GPM6A: variants seen among roughly 807,000 people sequenced by gnomAD.
The protein encoded by GPM6A is glycoprotein M6A, also known as neuronal membrane glycoprotein M6-a.
GPM6A carries 7 observed loss-of-function variants against 32.1 expected under a neutral mutation model. The ratio of observed to expected loss-of-function variants is 0.22; its 90% confidence interval spans 0.12 to 0.41. GPM6A has a LOEUF of 0.41. Ranked by LOEUF, GPM6A falls within the 10% of genes least tolerant of loss-of-function variation. The pLI is 1.00. For missense variants in GPM6A, 235 were observed against 347.2 expected, an observed-to-expected ratio of 0.68 and a Z score of 2.57; for synonymous variants, 130 against 123.4, an observed-to-expected ratio of 1.05 and a Z score of -0.35.
intron 4 of GPM6A, among the ~76,000 whole-genome samples, chr4:175,644,121 G>GTTTTTTTTTTTTTTTTTTTTTTTTT (rs781755092): frequency 2.7e-5 from 3 of 110,380 alleles, no homozygotes; most frequent in Admixed American, 1.0e-4. Flanking sequence ...TTTTCCGTTT[G>GTTTTTTTTTTTTTTTTTTTTTTTTT]TTTTTTTTTT....
intron 1 of GPM6A, among the ~76,000 whole-genome samples, chr4:175,801,424 T>C (rs1734467445): frequency 6.6e-6 from 1 of 152,060 alleles, no homozygotes; most frequent in Non-Finnish European, 1.5e-5. Context: ...ATTGGTAATT[T>C]GACGTGGTTC....
chr4:175,973,801 C>T (rs1435103417), intron 1 of GPM6A, among the ~76,000 whole-genome samples: 3 of 152,310 alleles, frequency 2.0e-5, no homozygotes, highest in Admixed American at 1.3e-4. Flanking sequence ...CTCTGGTACA[C>T]ATCTGCGCCA....
intron 1 of GPM6A, among the ~76,000 whole-genome samples, chr4:175,719,857 T>C (rs1746024123): frequency 6.6e-6 from 1 of 152,184 alleles, no homozygotes; most frequent in South Asian, 2.1e-4. Flanking sequence ...TCCCTCTCTT[T>C]CATTAAAGCA....
intron 1 of GPM6A, among the ~76,000 whole-genome samples, chr4:175,751,403 T>C (rs1732330887): frequency 6.6e-6 from 1 of 152,194 alleles, no homozygotes; most frequent in Non-Finnish European, 1.5e-5. Context: ...AAGGATACTG[T>C]AGGAAAAATA....
intron 1 of GPM6A, among the ~76,000 whole-genome samples, chr4:175,981,116 T>C (rs1486143004): frequency 6.6e-6 from 1 of 152,166 alleles, no homozygotes; most frequent in East Asian, 1.9e-4. Flanking sequence ...TTATTGTTAA[T>C]CTTTTAAAAA....
intron 1 of GPM6A, among the ~76,000 whole-genome samples, chr4:175,785,571 CA>C (rs544864275): frequency 1.8e-3 from 279 of 152,258 alleles, no homozygotes; most frequent in Middle Eastern, 6.8e-3. Flanking sequence ...AACAGTTACC[CA>C]AACTGATTAT....
chr4:175,830,701 A>G (rs773388575), intron 1 of GPM6A, among the ~76,000 whole-genome samples: 1 of 152,204 alleles, frequency 6.6e-6, no homozygotes, highest in Non-Finnish European at 1.5e-5. Flanking sequence ...GTATAAATAA[A>G]ATAGAAGGTT....
chr4:175,816,439 G>A (rs1043053407), upstream of GPM6A, among the ~76,000 whole-genome samples: 5 of 152,020 alleles, frequency 3.3e-5, no homozygotes, highest in African/African-American at 1.2e-4. Flanking sequence ...TATACAATAA[G>A]TAAATATCGA....
intron 1 of GPM6A, among the ~76,000 whole-genome samples, chr4:175,709,805 C>T (rs1745432387): frequency 6.6e-6 from 1 of 151,980 alleles, no homozygotes; most frequent in African/African-American, 2.4e-5. Flanking sequence ...TATTTCCTTC[C>T]CAGCTTCATA....
chr4:176,001,746 G>A (rs1188211549), intron 1 of GPM6A, among the ~76,000 whole-genome samples: 4 of 152,168 alleles, frequency 2.6e-5, no homozygotes, highest in African/African-American at 9.7e-5. Context: ...TGGGCACTTC[G>A]TTTGGAAAGG....
chr4:175,656,171 CA>C (rs201926181), intron 3 of GPM6A, among the ~76,000 whole-genome samples: 1 of 150,806 alleles, frequency 6.6e-6, no homozygotes, highest in Non-Finnish European at 1.5e-5. Flanking sequence ...TCTTGACCCA[CA>C]AAAAAAAATT....
intron 1 of GPM6A, among the ~76,000 whole-genome samples, chr4:175,883,849 T>G (rs530389518): frequency 6.6e-6 from 1 of 152,178 alleles, no homozygotes; most frequent in South Asian, 2.1e-4. Context: ...CAATTCTAAA[T>G]TTACCAATTC....
chr4:175,889,808 G>A (rs113641155), intron 1 of GPM6A, among the ~76,000 whole-genome samples: 6 of 151,648 alleles, frequency 4.0e-5, no homozygotes, highest in African/African-American at 1.2e-4. Context: ...GCGAGACTCC[G>A]TCTCAAACAA....
rs954096102 is a variant in GPM6A, at chr4:175,711,297, C to T, written c.38-9530G>A. Among the ~76,000 whole-genome samples, 6 of 150,116 alleles carry T rather than the reference C, an allele frequency of 4.0e-5. No individual in the cohort carries two copies. The East Asian group carries it at 7.8e-4, about 20-fold the overall frequency. On this transcript the variant is annotated intron_variant, in intron 1 of 6. Transcript: ENST00000393658. ...ACAACCACTAGGTATTTGAGGAATG[C>T]CTCCAACTTGGAAGACAGAAACAGA...
At chr4:175,646,180 G>A (rs1741452680) in intron 4 of GPM6A, among the ~76,000 whole-genome samples, 2 of 152,106 alleles carry the variant, frequency 1.3e-5, no homozygotes, top group South Asian at 2.1e-4. Context: ...CCCTTGACAT[G>A]TCACCTAACA....
At chr4:175,935,880 T>G (rs941437213) in intron 1 of GPM6A, among the ~76,000 whole-genome samples, 2 of 152,234 alleles carry the variant, frequency 1.3e-5, no homozygotes, top group South Asian at 2.1e-4. Context: ...GGGATATTGA[T>G]TTAATAAAAT....
At chr4:175,958,775 T>C (rs770734127) in intron 1 of GPM6A, among the ~76,000 whole-genome samples, 2 of 152,242 alleles carry the variant, frequency 1.3e-5, no homozygotes, top group Non-Finnish European at 2.9e-5. Flanking sequence ...AGGCATAGTT[T>C]ACACTAAAAG....
At chr4:175,686,559 G>A (rs1346579537) in intron 2 of GPM6A, among the ~76,000 whole-genome samples, 2 of 152,148 alleles carry the variant, frequency 1.3e-5, no homozygotes, top group African/African-American at 4.8e-5. Flanking sequence ...AGAGTGCTGT[G>A]GCCTCAAGCC....
rs184440934 is a variant in GPM6A, at chr4:175,796,668, G to A, written c.37+15523C>T. On this transcript the variant is annotated intron_variant, in intron 1 of 6. Transcript: ENST00000393658. ...TTGATTGCATTCACAATACTTTTAT[G>A]TTGTTTTACCAAATTTGGATTATAA... 3.9e-5 allele frequency among the ~76,000 whole-genome samples: 6 copies of A among 152,224 alleles called. No homozygotes were observed. The East Asian group carries it at 1.2e-3, about 29-fold the overall frequency.
Sources: gnomAD v4.1 joint callset for allele counts (sites outside exome capture counted in the v4.1 genomes callset) on GRCh38, gnomAD v4.1.1 for gene constraint, MANE v1.5 for transcripts, NCBI Gene and HGNC (gene_info 2026-07-23, HGNC 2026-07-21) for gene names.